FBXO42: variants seen among roughly 807,000 people sequenced by gnomAD.
FBXO42 encodes the protein F-box only protein 42.
In FBXO42, 12 loss-of-function variants were observed where a neutral mutation model predicts 71.7. The observed-to-expected ratio is 0.17, with a 90% CI of 0.11 to 0.27. The LOEUF is 0.27. Ranked by LOEUF, FBXO42 falls within the 10% of genes least tolerant of loss-of-function variation. The pLI is 1.00. For synonymous variants in FBXO42, 325 were observed against 327.5 expected (o/e 0.99, Z 0.08); for missense variants, 707 against 911.9 (o/e 0.78, Z 2.89).
intron 4 of FBXO42, among the ~76,000 whole-genome samples, chr1:16,291,369 A>C (rs542702547): frequency 5.6e-4 from 85 of 150,810 alleles, no homozygotes; most frequent in Admixed American, 2.5e-3. Context: ...ATCTCATGGG[A>C]CTTTTTTTTT....
At chr1:16,323,435 CAAAA>C (rs1354813526) in intron 1 of FBXO42, among the ~76,000 whole-genome samples, 2 of 150,742 alleles carry the variant, frequency 1.3e-5, no homozygotes, top group Admixed American at 6.6e-5. Context: ...AACAAACAAA[CAAAA>C]AAAGTAATTA....
chr1:16,322,071 T>A (rs546891195), intron 1 of FBXO42, among the ~76,000 whole-genome samples: 4 of 151,922 alleles, frequency 2.6e-5, no homozygotes, highest in Non-Finnish European at 4.4e-5. Context: ...CTGGGACATG[T>A]AAAAAAAATT....
chr1:16,322,184 T>C (rs1259400781), intron 1 of FBXO42, among the ~76,000 whole-genome samples: 1 of 152,220 alleles, frequency 6.6e-6, no homozygotes, highest in Non-Finnish European at 1.5e-5. Context: ...CTCTGGTTTA[T>C]GGAATTTTGT....
chr1:16,336,099 G>A (rs779388189), intron 1 of FBXO42, among the ~76,000 whole-genome samples: 1 of 150,878 alleles, frequency 6.6e-6, no homozygotes. Context: ...CACCATGCCC[G>A]GCTAATTTTT....
In FBXO42 at chr1:16,287,383, A is replaced by G. The variant is rs78126881; in HGVS notation, c.502+7400T>C. 6.4e-3 allele frequency among the ~76,000 whole-genome samples: 974 copies of G among 152,240 alleles called. 6 individuals are homozygous for G. The highest frequency in any genetic ancestry group is 0.022 in the African/African-American group (934 of 41,520). On this transcript the variant is annotated intron_variant, in intron 4 of 9. Transcript: ENST00000375592. ...TTCTCAATAGCACTTTCCATCCTCT[A>G]ACATACTGTTATATATTTGTCATTT...
intron 4 of FBXO42, among the ~76,000 whole-genome samples, chr1:16,279,554 GAA>G (rs892978228): frequency 6.6e-6 from 1 of 152,168 alleles, no homozygotes; most frequent in African/African-American, 2.4e-5. Context: ...TCTAAGCTGT[GAA>G]AAAGTTTCTT....
chr1:16,250,858 C>T lies in FBXO42; in HGVS notation c.1966G>A (p.Glu656Lys). ...ACTTTCCATTTGACCCGCCCCTTCT[C>T]CTTGGTGTCTTTAATGTCCAGCACG... ...MYVLDIKDTK[E>K]KGRVKWKVFN... Residue 656 changes from glutamate to lysine, a missense_variant, in exon 10 of 10, where the codon GAG (glutamate) becomes AAG (lysine). Physicochemically the swap from Glu to Lys is moderately conservative, Grantham distance 56 (BLOSUM62 1). Around this residue, in one of 5 missense-constraint regions of FBXO42, gnomAD observed 482 missense variants for 587.1 expected, o/e 0.82. Coordinates refer to ENST00000375592, the MANE Select transcript of FBXO42 (RefSeq NM_018994.3). The surrounding 1 kb of genome is among the most constrained non-coding windows in gnomAD (Gnocchi z 4.7). 6.2e-7 allele frequency: 1 copy of T among 1,614,176 alleles called. No individual in the cohort carries two copies. The highest frequency in any genetic ancestry group is 8.5e-7 in the Non-Finnish European group (1 of 1,180,034).
intron 3 of FBXO42, among the ~76,000 whole-genome samples, chr1:16,295,444 G>A (rs2082118635): frequency 6.6e-6 from 1 of 151,858 alleles, no homozygotes; most frequent in South Asian, 2.1e-4. Context: ...AGGCTGGAGT[G>A]CAGTGGCATG....
intron 1 of FBXO42, among the ~76,000 whole-genome samples, chr1:16,329,569 G>A (rs2082479022): frequency 6.6e-6 from 1 of 151,604 alleles, no homozygotes. Context: ...GGGAGACAGA[G>A]AGAGACTCCA....
intron 1 of FBXO42, among the ~76,000 whole-genome samples, chr1:16,320,041 C>T (rs1356933458): frequency 6.6e-6 from 1 of 151,938 alleles, no homozygotes; most frequent in Admixed American, 6.6e-5. Flanking sequence ...CAGAGACCTC[C>T]ATTTCCAGCC....
rs75448956 is a variant in FBXO42 at position 16,254,904 on chromosome 1, T to G, written c.767+807A>C. Among the ~76,000 whole-genome samples, 815 of 152,322 alleles carry G rather than the reference T, an allele frequency of 5.4e-3. 7 individuals carry two copies. Among genetic ancestry groups the G allele is most frequent in the African/African-American group, 0.019 (781 of 41,564 alleles). On this transcript the variant is annotated intron_variant, in intron 6 of 9. Coordinates refer to ENST00000375592, the MANE Select transcript of FBXO42 (RefSeq NM_018994.3). ...ACACAGTTTTCCTGTTCCTACCCAT[T>G]CCACAACCCATCCCATTTGTTTTTT... is the stretch of plus-strand genomic sequence containing the variant.
intron 4 of FBXO42, among the ~76,000 whole-genome samples, chr1:16,265,618 T>C (rs1400852902): frequency 6.6e-6 from 1 of 151,414 alleles, no homozygotes. Flanking sequence ...ATGCTTACAC[T>C]GAGCTAGACA....
intron 1 of FBXO42, among the ~76,000 whole-genome samples, chr1:16,345,847 CAAAA>C (rs34529034): frequency 2.6e-5 from 3 of 117,428 alleles, no homozygotes; most frequent in Non-Finnish European, 1.7e-5. Context: ...GACTCCGTCT[CAAAA>C]AAAAAAAAAA....
At chr1:16,345,625 G>A (rs1165572070) in intron 1 of FBXO42, among the ~76,000 whole-genome samples, 2 of 151,852 alleles carry the variant, frequency 1.3e-5, no homozygotes, top group South Asian at 2.1e-4. Context: ...CGAGGCAGGC[G>A]GATCACAAGG....
At chr1:16,311,915 G>A (rs912594019) in intron 2 of FBXO42, among the ~76,000 whole-genome samples, 2 of 152,078 alleles carry the variant, frequency 1.3e-5, no homozygotes, top group Non-Finnish European at 2.9e-5. Context: ...ACCTGCACAT[G>A]GATGCTTACA....
At chr1:16,269,246 C>A (rs1041293726) in intron 4 of FBXO42, among the ~76,000 whole-genome samples, 25 of 150,898 alleles carry the variant, frequency 1.7e-4, no homozygotes, top group Admixed American at 1.7e-3. Flanking sequence ...TGATATCATA[C>A]CCGCCTAATT....
At chr1:16,326,800 T>C (rs2082456327) in intron 1 of FBXO42, among the ~76,000 whole-genome samples, 2 of 152,180 alleles carry the variant, frequency 1.3e-5, no homozygotes, top group Non-Finnish European at 2.9e-5. Flanking sequence ...CACCTTTCAT[T>C]ACTCACATAA....
At chr1:16,344,825 G>A (rs970529108) in intron 1 of FBXO42, among the ~76,000 whole-genome samples, 12 of 152,094 alleles carry the variant, frequency 7.9e-5, no homozygotes, top group African/African-American at 2.4e-4. Flanking sequence ...TGGGCCGGGC[G>A]TGGTGGCTCA....
intron 1 of FBXO42, among the ~76,000 whole-genome samples, chr1:16,324,225 A>G (rs1322946557): frequency 6.6e-6 from 1 of 152,196 alleles, no homozygotes; most frequent in African/African-American, 2.4e-5. Context: ...TGCTATATGT[A>G]AAAATACCGT....
Sources: gnomAD v4.1 joint callset for allele counts (sites outside exome capture counted in the v4.1 genomes callset) on GRCh38, gnomAD v4.1.1 for gene constraint, gnomAD v4.1.1 regional missense constraint, Gnocchi (gnomAD v3.1) non-coding constraint, MANE v1.5 for transcripts, NCBI Gene and HGNC (gene_info 2026-07-23, HGNC 2026-07-21) for gene names.